TBCD: variants seen among roughly 807,000 people sequenced by gnomAD.
TBCD encodes tubulin-specific chaperone D.
A neutral mutation model predicts 169.3 loss-of-function variants in TBCD; 105 were observed. The ratio of observed to expected loss-of-function variants is 0.62; its 90% CI spans 0.53 to 0.73. TBCD has a LOEUF of 0.73. TBCD is among the 30% of genes least tolerant of loss of function. TBCD has a pLI of 0.00. For missense variants in TBCD, 1,444 were observed against 1,600.1 expected, an observed-to-expected ratio of 0.90 and a Z score of 1.66; for synonymous variants, 700 against 643.9, an observed-to-expected ratio of 1.09 and a Z score of -1.32.
At chr17:82,926,355 T>G (rs1217731185) in intron 27 of TBCD, 45 bp from the exon 28 acceptor site, 1 of 1,589,242 alleles carries the variant, frequency 6.3e-7, no homozygotes, top group Admixed American at 1.7e-5. Flanking sequence ...AGAGTGCACT[T>G]TGTTATAGCT....
intron 7 of TBCD, among the ~76,000 whole-genome samples, chr17:82,786,281 C>T (rs1350871824): frequency 6.6e-6 from 1 of 152,124 alleles, no homozygotes; most frequent in African/African-American, 2.4e-5. Flanking sequence ...AAACTCAGTG[C>T]TGTGGGGGAA....
chr17:82,772,011 G>T (rs1297441650), intron 5 of TBCD, among the ~76,000 whole-genome samples: 1 of 152,084 alleles, frequency 6.6e-6, no homozygotes, highest in African/African-American at 2.4e-5. Context: ...AAATAACTAG[G>T]TATTTGTAGT....
Position 82,903,621 on chromosome 17 carries a change from T to TG in TBCD, c.1804+144dup, listed in dbSNP as rs1311752518. 1.5e-5 allele frequency: 13 copies of TG among 860,656 alleles called. No homozygotes were observed. The highest frequency in any genetic ancestry group is 1.4e-5 in the Non-Finnish European group (8 of 560,372). 53.3% of individuals were successfully genotyped at this position (860,656 alleles called of 1,614,324 possible). ...GCATCTGAGGAAAGAGCTGTGGACT[T>TG]GATCAGTGGATAGGCTGTGAGGACG... On this transcript the variant is annotated intron_variant, in intron 19 of 38. Transcript: ENST00000355528. This position sits in a 1 kb window ranked among gnomAD's most constrained non-coding sequence, Gnocchi z 4.8.
intron 13 of TBCD, among the ~76,000 whole-genome samples, chr17:82,817,575 G>T (rs1156626990): frequency 1.3e-5 from 2 of 152,178 alleles, no homozygotes; most frequent in African/African-American, 2.4e-5. Context: ...AGGATTATAG[G>T]CGTGAGCTAC....
intron 6 of TBCD, among the ~76,000 whole-genome samples, chr17:82,773,832 T>C (rs1352431518): frequency 1.3e-5 from 2 of 151,870 alleles, no homozygotes; most frequent in East Asian, 3.9e-4. Context: ...TTTCACACCA[T>C]TCTCCTGCCT....
At chr17:82,940,795 C>A (rs901783150) in intron 37 of TBCD, among the ~76,000 whole-genome samples, 1 of 152,074 alleles carries the variant, frequency 6.6e-6, no homozygotes, top group Non-Finnish European at 1.5e-5. Flanking sequence ...GGACCAGATT[C>A]TAAAATAATT....
Position 82,832,917 on chromosome 17 carries a change from T to A in TBCD, c.1318+17983T>A, listed in dbSNP as rs2053646227. ...AGTGTGGTGTGTGGTGCGTTGAGTGTCTGTTCTGAGAATGCCTGTAAGCCT... is the reference window on the plus strand; with the variant it reads ...AGTGTGGTGTGTGGTGCGTTGAGTGACTGTTCTGAGAATGCCTGTAAGCCT... On this transcript the variant is annotated intron_variant, in intron 13 of 38. Coordinates refer to ENST00000355528, the MANE Select transcript of TBCD (RefSeq NM_005993.5). The surrounding 1 kb of genome is among the most constrained non-coding windows in gnomAD (Gnocchi z 4.9). 6.6e-6 allele frequency among the ~76,000 whole-genome samples: 1 copy of A among 152,164 alleles called. No homozygotes were observed. Among genetic ancestry groups the A allele is most frequent in the African/African-American group, 2.4e-5 (1 of 41,422 alleles).
chr17:82,830,721 C>T (rs928667145), intron 13 of TBCD: 2 of 1,613,830 alleles, frequency 1.2e-6, no homozygotes, highest in African/African-American at 1.3e-5. Flanking sequence ...TGCCTTGGTA[C>T]GTGGGTTCGT....
At chr17:82,771,223 C>T (rs182800528) in intron 5 of TBCD, among the ~76,000 whole-genome samples, 1 of 152,050 alleles carries the variant, frequency 6.6e-6, no homozygotes, top group East Asian at 1.9e-4. Flanking sequence ...CCTGTAATTC[C>T]AGCACTTTGG....
chr17:82,768,372 C>G, intron 4 of TBCD, 48 bp from the exon 5 acceptor site: 2 of 1,609,778 alleles, frequency 1.2e-6, no homozygotes, highest in Non-Finnish European at 1.7e-6. Flanking sequence ...GGCCAGTGGC[C>G]TGTGATTTTC....
intron 20 of TBCD, 69 bp downstream of exon 20, chr17:82,906,122 C>A: frequency 1.6e-6 from 2 of 1,226,832 alleles, no homozygotes; most frequent in Non-Finnish European, 2.3e-6. Flanking sequence ...AATCACAGTG[C>A]TCTCCAGTTC....
chr17:82,776,436 A>G (rs1057046083), intron 6 of TBCD, among the ~76,000 whole-genome samples: 1 of 152,226 alleles, frequency 6.6e-6, no homozygotes, highest in Non-Finnish European at 1.5e-5. Flanking sequence ...CTTGAAACAT[A>G]GAAGTTGGAA....
chr17:82,762,746 C>T (rs574357398), intron 2 of TBCD, among the ~76,000 whole-genome samples: 25 of 150,744 alleles, frequency 1.7e-4, no homozygotes, highest in Non-Finnish European at 3.5e-4. Context: ...GAGACTCTGT[C>T]TCCAAAAAAA....
At chr17:82,888,834 G>A (rs1188145814) in intron 15 of TBCD, among the ~76,000 whole-genome samples, 2 of 152,206 alleles carry the variant, frequency 1.3e-5, no homozygotes, top group Non-Finnish European at 2.9e-5. Flanking sequence ...CCTGCCAGGC[G>A]GGAGGTCGCT....
At chr17:82,892,457 CA>C (rs1404841914) in intron 16 of TBCD, among the ~76,000 whole-genome samples, 2 of 152,146 alleles carry the variant, frequency 1.3e-5, no homozygotes, top group East Asian at 3.9e-4. Context: ...TCCATCAGCC[CA>C]AGCTCCCAGT....
chr17:82,878,401 G>A (rs978754941), intron 14 of TBCD, among the ~76,000 whole-genome samples: 4 of 152,198 alleles, frequency 2.6e-5, no homozygotes, highest in African/African-American at 4.8e-5. Flanking sequence ...CCCGTCACCC[G>A]CTCCAAGCCT....
intron 9 of TBCD, among the ~76,000 whole-genome samples, chr17:82,801,245 G>A (rs1211284224): frequency 1.3e-5 from 2 of 152,222 alleles, no homozygotes. Flanking sequence ...TGGTGTGGCT[G>A]GTGCTGTGGC....
rs975390812 is a variant in TBCD at position 82,920,933 on chromosome 17, A to G, written c.2101+315A>G. The G allele has an allele frequency of 2.6e-6, 1 of 380,924 alleles. No homozygotes were observed. The highest frequency in any genetic ancestry group is 4.4e-5 in the Admixed American group (1 of 22,928). 23.6% of individuals were successfully genotyped at this position (380,924 alleles called of 1,614,324 possible). ...AGACAGTCGGGAGCTGCAGCCACCC[A>G]GGCCCTCGTGGACCAGGAGCGTGCC... On this transcript the variant is annotated intron_variant, in intron 24 of 38. Coordinates refer to ENST00000355528, the MANE Select transcript of TBCD (RefSeq NM_005993.5). This position sits in a 1 kb window ranked among gnomAD's most constrained non-coding sequence, Gnocchi z 4.1.
chr17:82,929,440 C>A lies in TBCD; in HGVS notation c.2931C>A (p.Thr977=). The stretch of plus-strand genomic sequence containing the variant: ...TCACCCAGCTCCTTGGGCTGCCCAC[C>A]TACCGCTACCACGTCCTGCTGGGGC... The part of the protein sequence containing the change: ...PRITQLLGLP[T]YRYHVLLGLV... The change falls in exon 32 of 39, where the codon ACC becomes ACA. Residue 977 remains threonine, a synonymous_variant. Coordinates refer to ENST00000355528, the MANE Select transcript of TBCD (RefSeq NM_005993.5). 1 of 1,612,160 alleles carries A rather than the reference C, an allele frequency of 6.2e-7. No homozygotes were observed. The highest frequency in any genetic ancestry group is 1.1e-5 in the South Asian group (1 of 91,088).
Sources: gnomAD v4.1 joint callset for allele counts (sites outside exome capture counted in the v4.1 genomes callset) on GRCh38, gnomAD v4.1.1 for gene constraint, Gnocchi (gnomAD v3.1) non-coding constraint, MANE v1.5 for transcripts, NCBI Gene and HGNC (gene_info 2026-07-23, HGNC 2026-07-21) for gene names.